SENP1: variants seen among roughly 807,000 people sequenced by gnomAD.
The protein encoded by SENP1 is SUMO specific peptidase 1, also known as sentrin-specific protease 1.
Under a neutral mutation model 93.0 loss-of-function variants are expected in SENP1, and 21 were observed. The ratio of observed to expected loss-of-function variants is 0.23; its 90% confidence interval spans 0.16 to 0.33. The LOEUF is 0.33. Among genes scored for constraint, SENP1 ranks in the 10% least tolerant of loss-of-function variants. SENP1 has a pLI of 1.00. For synonymous variants in SENP1, 256 were observed against 259.6 expected, an observed-to-expected ratio of 0.99 and a Z score of 0.13; for missense variants, 591 against 758.7, an observed-to-expected ratio of 0.78 and a Z score of 2.60.
At chr12:48,073,709 C>T (rs967989987) in intron 8 of SENP1, among the ~76,000 whole-genome samples, 3 of 152,124 alleles carry the variant, frequency 2.0e-5, no homozygotes, top group African/African-American at 4.8e-5. Context: ...CATTCTAAAA[C>T]GCACAAACCT....
At chr12:48,084,992 A>T in intron 5 of SENP1, 1 of 723,528 alleles carries the variant, frequency 1.4e-6, no homozygotes, top group Non-Finnish European at 2.3e-6. Context: ...TTGGGTTTGT[A>T]CGTGTGTTAA....
chr12:48,058,180 A>G (rs1565749481), intron 13 of SENP1, among the ~76,000 whole-genome samples: 1 of 151,972 alleles, frequency 6.6e-6, no homozygotes, highest in Non-Finnish European at 1.5e-5. Flanking sequence ...TCCTGACCCC[A>G]AGTGATCCAC....
At position 48,055,787 on chromosome 12, in the gene SENP1, TA is replaced by T. The variant is rs1942204263; in HGVS notation, c.1408-6656del. Among the ~76,000 whole-genome samples the T allele has an allele frequency of 4.1e-5, 6 of 145,886 alleles. No homozygotes were observed. In the South Asian group the frequency reaches 1.3e-3, roughly 31 times the overall value. On this transcript the variant is annotated intron_variant, in intron 13 of 17. Coordinates refer to ENST00000549518, the MANE Select transcript of SENP1 (RefSeq NM_001267594.2). ...ACGTTATTGAATATATAATATATAT[TA>T]TTTAATATATAAATAAAATATATCA...
At chr12:48,079,847 AAAGT>A (rs1246608866) in intron 6 of SENP1, among the ~76,000 whole-genome samples, 6 of 152,208 alleles carry the variant, frequency 3.9e-5, no homozygotes, top group African/African-American at 1.4e-4. Flanking sequence ...CATTTTGTTT[AAAGT>A]AATAACTTTA....
intron 5 of SENP1, chr12:48,085,231 A>G: frequency 1.9e-6 from 3 of 1,547,598 alleles, no homozygotes; most frequent in Non-Finnish European, 2.7e-6. Flanking sequence ...CAATTTCTAA[A>G]CCGGGATGAC....
intron 17 of SENP1, 93 bp downstream of exon 17, chr12:48,046,263 G>T: frequency 1.3e-6 from 1 of 784,758 alleles, no homozygotes; most frequent in Non-Finnish European, 2.2e-6. Flanking sequence ...TTAGGGTAGA[G>T]GCCCCTAAAG....
Position 48,065,092 on chromosome 12 carries a change from A to C in SENP1, c.1248T>G (p.Ser416Arg), listed in dbSNP as rs1428616013. ...TQKKGHKLTD[S>R]EDEFPEITEE... is the part of the protein sequence containing the mutation. ...CTGTAATTTCAGGAAATTCATCTTC[A>C]CTATCAGTTAATTTATGACCTTTTT... The change falls in exon 12 of 18, where the codon AGT (serine) becomes AGG (arginine). Residue 416 changes from serine (S) to arginine (R), a missense_variant. This residue lies in a region of SENP1 where 238 missense variants were observed against 259.1 expected (regional missense o/e 0.92). Transcript: ENST00000549518. 1 of 1,603,248 alleles carries C rather than the reference A, an allele frequency of 6.2e-7. No individual in the cohort carries two copies. The highest frequency in any genetic ancestry group is 1.3e-5 in the African/African-American group (1 of 74,672).
At chr12:48,071,800 C>T in intron 8 of SENP1, 79 bp from the exon 9 acceptor site, 1 of 923,832 alleles carries the variant, frequency 1.1e-6, no homozygotes, top group Non-Finnish European at 1.7e-6. Flanking sequence ...TTTAAGTTCC[C>T]ATACTTTGCT....
chr12:48,063,499 G>A, intron 13 of SENP1: 1 of 452,932 alleles, frequency 2.2e-6, no homozygotes, highest in Non-Finnish European at 3.9e-6. Context: ...AAATTCAGTG[G>A]TTCTCAGACT....
chr12:48,083,754 G>A lies in SENP1; in HGVS notation c.389C>T (p.Ser130Leu). Residue 130 changes from serine to leucine, a missense_variant, in exon 6 of 18, where the codon TCA becomes TTA. Coordinates refer to ENST00000549518, the MANE Select transcript of SENP1 (RefSeq NM_001267594.2). ...LETRKTSSGL[S>L]NSFAGKSNHH... ...GTTTGACTTTCCCGCAAAACTGTTTGATAATCCACTAAAAAAAGAGTTTGT... is the reference window on the plus strand; with the variant it reads ...GTTTGACTTTCCCGCAAAACTGTTTAATAATCCACTAAAAAAAGAGTTTGT... 1 of 1,597,322 alleles carries A rather than the reference G, an allele frequency of 6.3e-7. No individual in the cohort carries two copies. Among genetic ancestry groups the A allele is most frequent in the Non-Finnish European group, 8.5e-7 (1 of 1,173,972 alleles).
chr12:48,085,273 C>T, intron 5 of SENP1: 5 of 1,553,840 alleles, frequency 3.2e-6, no homozygotes, highest in Admixed American at 1.7e-5. Flanking sequence ...CAGTACATCG[C>T]AGAGATGGTG....
intron 9 of SENP1, among the ~76,000 whole-genome samples, chr12:48,071,418 C>G (rs545885465): frequency 6.6e-6 from 1 of 152,096 alleles, no homozygotes; most frequent in Non-Finnish European, 1.5e-5. Flanking sequence ...GAGTTCGAGA[C>G]CAGCCTGGCC....
intron 6 of SENP1, among the ~76,000 whole-genome samples, chr12:48,075,077 G>A (rs1313535369): frequency 6.6e-6 from 1 of 152,034 alleles, no homozygotes; most frequent in Non-Finnish European, 1.5e-5. Context: ...CCAACTGGCT[G>A]TAGTGGCACA....
chr12:48,053,020 T>A (rs769599128), intron 13 of SENP1, among the ~76,000 whole-genome samples: 17 of 152,206 alleles, frequency 1.1e-4, no homozygotes, highest in Admixed American at 1.1e-3. Context: ...GGAAAACCTA[T>A]TCCTAAGGCT....
In SENP1 at chr12:48,070,019, A is replaced by G. The variant is rs148406610; in HGVS notation, c.995+1648T>C. Among the ~76,000 whole-genome samples, 269 of 152,298 alleles carry G rather than the reference A, an allele frequency of 1.8e-3. 1 individual carries two copies. Among genetic ancestry groups the G allele is most frequent in the African/African-American group, 6.3e-3 (261 of 41,546 alleles). On this transcript the variant is annotated intron_variant, in intron 9 of 17. Coordinates refer to ENST00000549518, the MANE Select transcript of SENP1 (RefSeq NM_001267594.2). ...TGGCAAAGGCATAGCAATCATAGTA[A>G]TGGTTACTATGGATTACTATTACTG...
chr12:48,067,813 A>G (rs1943400323), intron 9 of SENP1, among the ~76,000 whole-genome samples: 1 of 152,028 alleles, frequency 6.6e-6, no homozygotes, highest in Non-Finnish European at 1.5e-5. Context: ...TCTCTTAAAA[A>G]AAAAAAAATG....
intron 4 of SENP1, among the ~76,000 whole-genome samples, chr12:48,091,088 T>G (rs74497077): frequency 0.017 from 2,660 of 152,304 alleles, 34 homozygotes; most frequent in Middle Eastern, 0.071. Context: ...ATTTTTCTAC[T>G]TTTCTACACA....
In SENP1 at chr12:48,077,866, G is replaced by A. The variant is rs905803116; in HGVS notation, c.553-3073C>T. The stretch of plus-strand genomic sequence containing the variant: ...GTAGTATAGTTTGAAATAAGCTAGT[G>A]TGGTAGCTTCTTTTTTGTTCTTTCT... On this transcript the variant is annotated intron_variant, in intron 6 of 17. Transcript: ENST00000549518. 2.0e-5 allele frequency among the ~76,000 whole-genome samples: 3 copies of A among 152,048 alleles called. No homozygotes were observed. In the East Asian group the frequency reaches 5.8e-4, roughly 29 times the overall value.
intron 1 of SENP1, 60 bp from the exon 2 acceptor site, chr12:48,101,576 T>C: frequency 1.1e-6 from 1 of 875,608 alleles, no homozygotes; most frequent in Non-Finnish European, 1.8e-6. Flanking sequence ...TCACTTAATT[T>C]TAGAAGGTGC....
Sources: allele counts gnomAD v4.1 joint callset (sites outside exome capture counted in the v4.1 genomes callset), GRCh38; gene constraint gnomAD v4.1.1; regional missense constraint gnomAD v4.1.1; transcripts MANE v1.5; gene names NCBI Gene and HGNC (gene_info 2026-07-23, HGNC 2026-07-21).